LRRC37A2: variants seen among roughly 807,000 people sequenced by gnomAD.
LRRC37A2 encodes the protein leucine-rich repeat-containing protein 37A2.
LRRC37A2 carries 9 observed loss-of-function variants against 68.8 expected under a neutral mutation model. The ratio of observed to expected loss-of-function variants is 0.13; its 90% CI spans 0.08 to 0.23. The LOEUF is 0.23. Among genes scored for constraint, LRRC37A2 ranks in the 10% least tolerant of loss-of-function variants. LRRC37A2 has a pLI of 1.00. For missense variants in LRRC37A2, 168 were observed against 950.4 expected, an observed-to-expected ratio of 0.18 and a Z score of 10.82; for synonymous variants, 63 against 367.6, an observed-to-expected ratio of 0.17 and a Z score of 9.48.
chr17:46,976,635 T>C, the LRRC37A2 span, among the ~76,000 whole-genome samples: 1 of 152,156 alleles, frequency 6.6e-6, no homozygotes, highest in Non-Finnish European at 1.5e-5. Flanking sequence ...AGACCTATTT[T>C]ATTAGAGGAG....
At chr17:46,496,620 AC>A in the LRRC37A2 span, among the ~76,000 whole-genome samples, 389 of 83,220 alleles carry the variant, frequency 4.7e-3, 7 homozygotes, top group African/African-American at 0.011. Flanking sequence ...AAAAAAAAAA[AC>A]AAAACAAAAC....
At chr17:46,799,933 C>G in the LRRC37A2 span, among the ~76,000 whole-genome samples, 11 of 152,152 alleles carry the variant, frequency 7.2e-5, no homozygotes, top group African/African-American at 2.4e-4. Context: ...AGCCTACCCT[C>G]TTTCTGGAGT....
At chr17:46,917,004 A>G in the LRRC37A2 span, among the ~76,000 whole-genome samples, 1 of 152,148 alleles carries the variant, frequency 6.6e-6, no homozygotes, top group Non-Finnish European at 1.5e-5. Context: ...CAAAGGCCCC[A>G]CCTTTCAGTA....
At chr17:46,943,459 G>T in the LRRC37A2 span, among the ~76,000 whole-genome samples, 1 of 152,134 alleles carries the variant, frequency 6.6e-6, no homozygotes, top group Non-Finnish European at 1.5e-5. Context: ...CTTTGCACAA[G>T]ATGTTTCCTC....
chr17:46,962,889 T>C, the LRRC37A2 span, among the ~76,000 whole-genome samples: 1 of 152,264 alleles, frequency 6.6e-6, no homozygotes, highest in Non-Finnish European at 1.5e-5. Context: ...CAGTGTGTGC[T>C]AGACCCTCTG....
the LRRC37A2 span, among the ~76,000 whole-genome samples, chr17:46,800,078 G>A: frequency 6.6e-6 from 1 of 152,090 alleles, no homozygotes; most frequent in Admixed American, 6.6e-5. Flanking sequence ...GAAGGAGTCT[G>A]ATTCCTGGGC....
the LRRC37A2 span, among the ~76,000 whole-genome samples, chr17:46,692,145 G>GT: frequency 1.6e-5 from 2 of 125,198 alleles, no homozygotes; most frequent in Non-Finnish European, 3.3e-5. Context: ...TAGAAGGTAC[G>GT]TGTTAAATTA....
the LRRC37A2 span, among the ~76,000 whole-genome samples, chr17:46,817,726 C>T: frequency 6.6e-6 from 1 of 152,096 alleles, no homozygotes; most frequent in Non-Finnish European, 1.5e-5. Flanking sequence ...TCCCTTCCCT[C>T]TCCCTTTCTC....
chr17:46,826,409 G>T, the LRRC37A2 span, among the ~76,000 whole-genome samples: 1 of 152,206 alleles, frequency 6.6e-6, no homozygotes, highest in African/African-American at 2.4e-5. Context: ...GGCTAAGCAG[G>T]GACATCTGCC....
the LRRC37A2 span, among the ~76,000 whole-genome samples, chr17:46,965,194 T>C: frequency 6.6e-6 from 1 of 152,262 alleles, no homozygotes; most frequent in Non-Finnish European, 1.5e-5. Flanking sequence ...AGTGGAAGGA[T>C]GTCTCTGGGG....
chr17:46,842,207 T>G, the LRRC37A2 span, among the ~76,000 whole-genome samples: 1 of 152,180 alleles, frequency 6.6e-6, no homozygotes, highest in Non-Finnish European at 1.5e-5. Context: ...GTGCCTCAGT[T>G]TCTTCAGGCG....
At chr17:46,899,640 T>C in the LRRC37A2 span, among the ~76,000 whole-genome samples, 1 of 152,128 alleles carries the variant, frequency 6.6e-6, no homozygotes, top group Non-Finnish European at 1.5e-5. Context: ...TGATTGCTAG[T>C]AGGTATGGGT....
At chr17:46,793,466 C>G in the LRRC37A2 span, among the ~76,000 whole-genome samples, 1 of 151,956 alleles carries the variant, frequency 6.6e-6, no homozygotes, top group South Asian at 2.1e-4. Flanking sequence ...AGTCTTTTTT[C>G]TTTCGAATGT....
chr17:46,749,395 G>A, the LRRC37A2 span, among the ~76,000 whole-genome samples: 5 of 152,218 alleles, frequency 3.3e-5, no homozygotes, highest in Non-Finnish European at 7.4e-5. Context: ...TAAAGCCAGC[G>A]CCACATACTT....
the LRRC37A2 span, among the ~76,000 whole-genome samples, chr17:46,974,984 T>C: frequency 3.7e-5 from 3 of 80,670 alleles, no homozygotes; most frequent in Non-Finnish European, 7.7e-5. Context: ...GAATTACTAT[T>C]TTCTTTTTTT....
the LRRC37A2 span, among the ~76,000 whole-genome samples, chr17:46,711,459 T>C: frequency 9.2e-5 from 14 of 152,200 alleles, no homozygotes; most frequent in Admixed American, 9.2e-4. Flanking sequence ...TTGCTGGGGA[T>C]ACAAAGACAT....
the LRRC37A2 span, among the ~76,000 whole-genome samples, chr17:46,914,517 G>A: frequency 6.6e-6 from 1 of 151,780 alleles, no homozygotes; most frequent in South Asian, 2.1e-4. Context: ...CAGGCGTAGT[G>A]GTGCATGCCT....
chr17:46,904,917 C>T, the LRRC37A2 span, among the ~76,000 whole-genome samples: 3 of 152,138 alleles, frequency 2.0e-5, no homozygotes, highest in South Asian at 2.1e-4. Flanking sequence ...GGGCCCCTCC[C>T]GGGTCTCTGC....
the LRRC37A2 span, among the ~76,000 whole-genome samples, chr17:46,861,820 C>G: frequency 6.6e-6 from 1 of 152,220 alleles, no homozygotes; most frequent in Non-Finnish European, 1.5e-5. Flanking sequence ...CCTGGTGTTA[C>G]AATCCCTTTG....
Sources: allele counts gnomAD v4.1 joint callset (sites outside exome capture counted in the v4.1 genomes callset), GRCh38; gene constraint gnomAD v4.1.1; transcripts MANE v1.5; gene names NCBI Gene and HGNC (gene_info 2026-07-23, HGNC 2026-07-21).